Variants in RANBP2 observed in about 807,000 individuals in gnomAD.
The protein encoded by RANBP2 is RAN binding protein 2, also known as E3 SUMO-protein ligase RanBP2.
RANBP2 carries 57 observed loss-of-function variants against 303.6 expected under a neutral mutation model. That is an observed-to-expected ratio of 0.19 (90% CI 0.15 to 0.23). The LOEUF is 0.23. Ranked by LOEUF, RANBP2 falls within the 10% of genes least tolerant of loss-of-function variation. RANBP2 has a pLI of 1.00. For synonymous variants in RANBP2, 1,167 were observed against 1,301.5 expected, an observed-to-expected ratio of 0.90 and a Z score of 2.23; for missense variants, 3,138 against 3,780.8, an observed-to-expected ratio of 0.83 and a Z score of 4.46.
chr2:109,521,214 T>C, the RANBP2 span, among the ~76,000 whole-genome samples: 1 of 129,788 alleles, frequency 7.7e-6, no homozygotes, highest in East Asian at 2.4e-4. Context: ...CGAGACTCCG[T>C]CTCAAAAAAA....
chr2:109,553,235 T>C, the RANBP2 span: 1 of 1,612,778 alleles, frequency 6.2e-7, no homozygotes. Flanking sequence ...AAGTTATTTG[T>C]GTTACTCTCC....
chr2:109,200,383 C>A, the RANBP2 span, among the ~76,000 whole-genome samples: 1 of 152,020 alleles, frequency 6.6e-6, no homozygotes, highest in East Asian at 1.9e-4. Context: ...GGTTTTCTGT[C>A]ATCTGCCTTG....
At chr2:109,361,313 T>C in the RANBP2 span, among the ~76,000 whole-genome samples, 965 of 152,318 alleles carry the variant, frequency 6.3e-3, 10 homozygotes, top group East Asian at 0.048. Context: ...TGCTTTGGTA[T>C]TAGGGTAACG....
chr2:108,732,942 G>A (rs1333621482), intron 4 of RANBP2, among the ~76,000 whole-genome samples: 1 of 152,170 alleles, frequency 6.6e-6, no homozygotes, highest in African/African-American at 2.4e-5. Context: ...TCCTGCCTCA[G>A]CCTTCCGGGT....
chr2:109,427,636 T>C, the RANBP2 span, among the ~76,000 whole-genome samples: 2 of 152,212 alleles, frequency 1.3e-5, no homozygotes, highest in African/African-American at 4.8e-5. Context: ...AGGTGCTCAG[T>C]TGGGAAAGAC....
the RANBP2 span, among the ~76,000 whole-genome samples, chr2:109,436,303 A>G: frequency 3.9e-5 from 6 of 152,334 alleles, no homozygotes; most frequent in Admixed American, 3.9e-4. Context: ...AAGCGTGAAA[A>G]GCCCCATTTC....
At chr2:108,761,624 G>T (rs536161200) in intron 18 of RANBP2, among the ~76,000 whole-genome samples, 1 of 152,162 alleles carries the variant, frequency 6.6e-6, no homozygotes, top group South Asian at 2.1e-4. Flanking sequence ...CCATGAATTT[G>T]TCAGGTGATT....
the RANBP2 span, among the ~76,000 whole-genome samples, chr2:109,433,774 G>C: frequency 1.3e-5 from 2 of 152,188 alleles, no homozygotes; most frequent in African/African-American, 4.8e-5. Flanking sequence ...CCCAAAGCCT[G>C]AAAGGTCTGC....
chr2:108,938,785 T>C, the RANBP2 span, among the ~76,000 whole-genome samples: 2 of 148,186 alleles, frequency 1.3e-5, no homozygotes, highest in African/African-American at 2.6e-5. Context: ...CTAGGACTTC[T>C]TCCCCCCCCG....
chr2:109,327,112 T>C, the RANBP2 span, among the ~76,000 whole-genome samples: 1 of 152,260 alleles, frequency 6.6e-6, no homozygotes, highest in Admixed American at 6.5e-5. Flanking sequence ...CAGTGTTTTG[T>C]GTCTTATTTA....
At chr2:109,382,621 C>T in the RANBP2 span, among the ~76,000 whole-genome samples, 5 of 152,308 alleles carry the variant, frequency 3.3e-5, no homozygotes, top group Admixed American at 2.0e-4. Flanking sequence ...TTTGGAACAC[C>T]GAGCCCTGTC....
the RANBP2 span, among the ~76,000 whole-genome samples, chr2:108,971,687 C>T: frequency 2.0e-5 from 3 of 152,074 alleles, no homozygotes; most frequent in South Asian, 6.2e-4. Context: ...AGCAATTTGC[C>T]CAAGGTTACA....
At chr2:109,609,184 A>G in the RANBP2 span, among the ~76,000 whole-genome samples, 7 of 152,362 alleles carry the variant, frequency 4.6e-5, no homozygotes, top group East Asian at 1.2e-3. Flanking sequence ...ACATAAGTGT[A>G]GATGAACAAA....
the RANBP2 span, among the ~76,000 whole-genome samples, chr2:109,376,144 T>C: frequency 1.5e-3 from 221 of 152,360 alleles, 1 homozygote; most frequent in South Asian, 3.9e-3. Context: ...TGCTCCTCGG[T>C]CCATTGCTGT....
the RANBP2 span, among the ~76,000 whole-genome samples, chr2:109,643,081 C>T: frequency 6.6e-6 from 1 of 151,852 alleles, no homozygotes; most frequent in African/African-American, 2.4e-5. Flanking sequence ...ACTCAGGAGG[C>T]TGAGGTGGGA....
chr2:109,256,318 T>C, the RANBP2 span, among the ~76,000 whole-genome samples: 1 of 152,234 alleles, frequency 6.6e-6, no homozygotes, highest in Non-Finnish European at 1.5e-5. Context: ...CGCTGTGACG[T>C]AGTCCTGGGG....
the RANBP2 span, among the ~76,000 whole-genome samples, chr2:108,975,200 G>C: frequency 6.6e-6 from 1 of 152,222 alleles, no homozygotes; most frequent in East Asian, 1.9e-4. Flanking sequence ...AGCCTGTGTG[G>C]GAAGGGGCAA....
At chr2:109,103,709 A>G in the RANBP2 span, among the ~76,000 whole-genome samples, 1 of 152,222 alleles carries the variant, frequency 6.6e-6, no homozygotes, top group African/African-American at 2.4e-5. Flanking sequence ...AAAAGGTGCT[A>G]GACTCTCAGC....
the RANBP2 span, among the ~76,000 whole-genome samples, chr2:109,542,153 G>A: frequency 6.6e-6 from 1 of 152,184 alleles, no homozygotes; most frequent in Non-Finnish European, 1.5e-5. Flanking sequence ...TTATGCCTCA[G>A]TGGATAATTC....
Sources: allele counts gnomAD v4.1 joint callset (sites outside exome capture counted in the v4.1 genomes callset), GRCh38; gene constraint gnomAD v4.1.1; transcripts MANE v1.5; gene names NCBI Gene and HGNC (gene_info 2026-07-23, HGNC 2026-07-21).